Variants in ASIC2 observed in about 807,000 individuals in gnomAD.
ASIC2 encodes acid-sensing ion channel 2.
Under a neutral mutation model 57.3 loss-of-function variants are expected in ASIC2, and 25 were observed. The ratio of observed to expected loss-of-function variants is 0.44; its 90% CI spans 0.32 to 0.61. The LOEUF (loss-of-function observed/expected upper bound fraction) is 0.61. ASIC2 is among the 20% of genes least tolerant of loss of function. ASIC2 has a pLI of 0.06. For missense variants in ASIC2, 641 were observed against 738.1 expected, an observed-to-expected ratio of 0.87 and a Z score of 1.52; for synonymous variants, 319 against 307.5, an observed-to-expected ratio of 1.04 and a Z score of -0.39.
At chr17:34,031,406 T>C (rs1229761775) in intron 1 of ASIC2, among the ~76,000 whole-genome samples, 2 of 151,516 alleles carry the variant, frequency 1.3e-5, no homozygotes, top group Non-Finnish European at 2.9e-5. Context: ...ACCACAAAGA[T>C]GGGAAAAAAA....
chr17:34,074,399 G>C (rs945841844), intron 1 of ASIC2, among the ~76,000 whole-genome samples: 1 of 152,122 alleles, frequency 6.6e-6, no homozygotes, highest in African/African-American at 2.4e-5. Context: ...AATTTGATCT[G>C]AACCTGGGTC....
chr17:33,383,024 A>G (rs1023868801), intron 1 of ASIC2, among the ~76,000 whole-genome samples: 1 of 53,334 alleles, frequency 1.9e-5, no homozygotes. Context: ...TTCAGGGAAT[A>G]TAAAAAACAA....
intron 1 of ASIC2, among the ~76,000 whole-genome samples, chr17:34,053,978 A>G (rs1908664805): frequency 6.6e-6 from 1 of 152,238 alleles, no homozygotes; most frequent in South Asian, 2.1e-4. Flanking sequence ...TGTTTTCCCC[A>G]GCATAAGAGA....
chr17:34,041,439 G>A (rs935202179), intron 1 of ASIC2: 18 of 152,284 alleles, frequency 1.2e-4, no homozygotes, highest in South Asian at 2.1e-4. Flanking sequence ...TATGATCAAA[G>A]GGAGACAAGG....
chr17:33,089,834 G>C (rs1377843843), intron 2 of ASIC2, among the ~76,000 whole-genome samples: 1 of 152,180 alleles, frequency 6.6e-6, no homozygotes, highest in African/African-American at 2.4e-5. Flanking sequence ...TCCTTTGGCA[G>C]AAGAAATGGC....
chr17:33,347,021 T>C (rs1309603026), intron 1 of ASIC2, among the ~76,000 whole-genome samples: 1 of 152,164 alleles, frequency 6.6e-6, no homozygotes, highest in Non-Finnish European at 1.5e-5. Context: ...GGAGTGTGTG[T>C]GCTTCATACA....
intron 1 of ASIC2, among the ~76,000 whole-genome samples, chr17:33,854,420 C>T (rs548825567): frequency 6.6e-6 from 1 of 152,296 alleles, no homozygotes; most frequent in African/African-American, 2.4e-5. Flanking sequence ...CATGTTTATG[C>T]ACATGGGCAT....
intron 1 of ASIC2, among the ~76,000 whole-genome samples, chr17:33,870,796 T>C (rs2141931410): frequency 6.6e-6 from 1 of 152,304 alleles, no homozygotes; most frequent in South Asian, 2.1e-4. Flanking sequence ...CCTTGTTAGA[T>C]GATTACAAGG....
intron 1 of ASIC2, among the ~76,000 whole-genome samples, chr17:33,950,958 T>G (rs1904542945): frequency 6.6e-6 from 1 of 152,186 alleles, no homozygotes; most frequent in African/African-American, 2.4e-5. Flanking sequence ...GAGGTATGAT[T>G]TAGTCCCTCA....
At chr17:33,989,911 G>C (rs1259773719) in intron 1 of ASIC2, among the ~76,000 whole-genome samples, 1 of 152,202 alleles carries the variant, frequency 6.6e-6, no homozygotes, top group Non-Finnish European at 1.5e-5. Flanking sequence ...CCAGTCTAGG[G>C]TTGCAGCAGT....
chr17:33,292,095 G>C lies in ASIC2; in HGVS notation c.21C>G (p.Ala7=). ...CGGTGAGCGCGGCTGCGGGCAGCCC[G>C]GCTCCGCCAATCCGGCTCATTCATT... MSRIGG[A]GLPAAALTGP... is the part of the protein sequence containing the mutation. Residue 7 remains alanine (A), a synonymous_variant, in exon 1 of 10, where the codon GCC becomes GCG. Transcript: ENST00000225823. 2 of 1,048,268 alleles carry C rather than the reference G, an allele frequency of 1.9e-6. No individual in the cohort carries two copies. The highest frequency in any genetic ancestry group is 2.3e-6 in the Non-Finnish European group (2 of 873,368). 64.9% of individuals were successfully genotyped at this position (1,048,268 alleles called of 1,614,324 possible).
At chr17:33,250,427 A>G (rs9989471) in intron 1 of ASIC2, among the ~76,000 whole-genome samples, 17,306 of 152,182 alleles carry the variant, frequency 0.11, 1,151 homozygotes, top group East Asian at 0.24. Context: ...AGGGCCAGGG[A>G]AGATCATGCC....
intron 1 of ASIC2, among the ~76,000 whole-genome samples, chr17:33,513,087 A>G (rs1262178011): frequency 2.0e-5 from 3 of 152,238 alleles, no homozygotes; most frequent in Non-Finnish European, 4.4e-5. Context: ...AAATTTTAGC[A>G]TGGGATTCTT....
chr17:33,823,947 CTT>C (rs1912829368), intron 1 of ASIC2, among the ~76,000 whole-genome samples: 1 of 152,204 alleles, frequency 6.6e-6, no homozygotes, highest in African/African-American at 2.4e-5. Context: ...TGGCTTCTCT[CTT>C]TGCCCCCATA....
intron 1 of ASIC2, among the ~76,000 whole-genome samples, chr17:33,716,400 C>T (rs1909219817): frequency 6.6e-6 from 1 of 152,216 alleles, no homozygotes; most frequent in African/African-American, 2.4e-5. Flanking sequence ...AACTGATACA[C>T]CTCTTTGGAA....
intron 1 of ASIC2, among the ~76,000 whole-genome samples, chr17:33,228,499 C>T (rs1038693465): frequency 6.6e-6 from 1 of 152,242 alleles, no homozygotes; most frequent in African/African-American, 2.4e-5. Context: ...ATGGCACGTC[C>T]ATGTGGTGTG....
At chr17:33,043,282 C>T (rs2091937177) in intron 3 of ASIC2, among the ~76,000 whole-genome samples, 1 of 152,200 alleles carries the variant, frequency 6.6e-6, no homozygotes, top group African/African-American at 2.4e-5. Context: ...TAAGAAGTGG[C>T]AGAGGCAGGA....
chr17:33,276,402 C>T (rs191316891), intron 1 of ASIC2, among the ~76,000 whole-genome samples: 1 of 152,270 alleles, frequency 6.6e-6, no homozygotes, highest in East Asian at 1.9e-4. Context: ...CTTCTAGCTG[C>T]ATTACCTAGA....
At chr17:33,961,068 C>A (rs550293184) in intron 1 of ASIC2, among the ~76,000 whole-genome samples, 1 of 152,062 alleles carries the variant, frequency 6.6e-6, no homozygotes, top group Non-Finnish European at 1.5e-5. Flanking sequence ...ATGATCAACG[C>A]CCAGGCCAAG....
Sources: allele counts gnomAD v4.1 joint callset (sites outside exome capture counted in the v4.1 genomes callset), GRCh38; gene constraint gnomAD v4.1.1; transcripts MANE v1.5; gene names NCBI Gene and HGNC (gene_info 2026-07-23, HGNC 2026-07-21).